Variants in PHF13 observed in about 807,000 individuals in gnomAD.
PHF13 encodes the protein PHD zinc finger protein PHF5.
In PHF13, 1 loss-of-function variant was observed where a neutral mutation model predicts 25.8. The observed-to-expected ratio is 0.04, with a 90% CI of 0.01 to 0.18. The LOEUF (loss-of-function observed/expected upper bound fraction) is 0.18, where lower values mean the gene tolerates loss of function less well. Ranked by LOEUF, PHF13 falls within the 10% of genes least tolerant of loss-of-function variation. The pLI, the probability that PHF13 is intolerant of heterozygous loss-of-function variation, is 1.00. For missense variants in PHF13, 306 were observed against 403.2 expected, an observed-to-expected ratio of 0.76 and a Z score of 2.06; for synonymous variants, 195 against 162.4, an observed-to-expected ratio of 1.20 and a Z score of -1.53.
intron 1 of PHF13, chr1:6,614,606 C>T (rs1311359666): frequency 6.6e-6 from 1 of 152,662 alleles, no homozygotes; most frequent in African/African-American, 2.4e-5. Flanking sequence ...GCCCCGCCCC[C>T]TGACTCCGCG....
At position 6,620,043 on chromosome 1, in the gene PHF13, G is replaced by A. The variant is rs1186970668; in HGVS notation, c.382G>A (p.Asp128Asn). Residue 128 changes from aspartate to asparagine, a missense_variant, in exon 3 of 4, where the codon GAT becomes AAT. Asp to Asn is a conservative substitution (Grantham distance 23). Around this residue, in one of 5 missense-constraint regions of PHF13, gnomAD observed 186 missense variants for 164.0 expected, o/e 1.13. Transcript: ENST00000377648. Reference sequence around the variant, plus strand: ...GAAGAAGAGGAAGCGCAGGGACAGTGATGCGCCTGGGAAAGAGGGGTACAG... The same window carrying A: ...GAAGAAGAGGAAGCGCAGGGACAGTAATGCGCCTGGGAAAGAGGGGTACAG... Reference protein sequence around the residue: ...KKKKRKRRDSDAPGKEGYRGG... With the variant: ...KKKKRKRRDSNAPGKEGYRGG... 2 of 1,613,706 alleles carry A rather than the reference G, an allele frequency of 1.2e-6. No homozygotes were observed. Among genetic ancestry groups the A allele is most frequent in the Non-Finnish European group, 1.7e-6 (2 of 1,180,016 alleles).
rs889459361 is a variant in PHF13 at position 6,613,933 on chromosome 1, A to G, written c.-134A>G. 3.6e-6 allele frequency: 2 copies of G among 557,330 alleles called. No individual in the cohort carries two copies. Among genetic ancestry groups the G allele is most frequent in the Non-Finnish European group, 6.2e-6 (2 of 323,990 alleles). The allele number at this position is 557,330 out of a possible 1,614,324, so 34.5% of individuals were successfully genotyped here. ...GAAGCGACGCGCTGAGCCCCCCATC[A>G]CCTCCAGCCCGGGCGACCCCTCCCG... On this transcript the variant is annotated 5_prime_UTR_variant, in exon 1 of 4. Transcript: ENST00000377648.
At position 6,621,886 on chromosome 1, in the gene PHF13, G is replaced by A. The variant is rs1248395145; in HGVS notation, c.*249G>A. The A allele has an allele frequency of 5.4e-6, 3 of 554,594 alleles. No homozygotes were observed. Among genetic ancestry groups the A allele is most frequent in the Admixed American group, 6.2e-5 (2 of 32,428 alleles). 34.4% of individuals were successfully genotyped at this position (554,594 alleles called of 1,614,324 possible). A position where few individuals can be genotyped will look rare whatever the true frequency, so the allele number is the denominator to read the frequency against. On this transcript the variant is annotated 3_prime_UTR_variant, in exon 4 of 4. Coordinates refer to ENST00000377648, the MANE Select transcript of PHF13 (RefSeq NM_153812.3). This position sits in a 1 kb window ranked among gnomAD's most constrained non-coding sequence, Gnocchi z 4.8. ...CAGTGGAGGTGGACTGGACACCCAC[G>A]TGCAGCGGGTTTGGCTCATTTGAAA...
chr1:6,620,746 G>A (rs951105078), intron 3 of PHF13, among the ~76,000 whole-genome samples: 21 of 152,098 alleles, frequency 1.4e-4, no homozygotes, highest in African/African-American at 4.6e-4. Flanking sequence ...AAGGCTGGGC[G>A]CAGTGGCTCA....
chr1:6,618,343 G>C (rs58437099), intron 2 of PHF13, among the ~76,000 whole-genome samples: 1 of 152,316 alleles, frequency 6.6e-6, no homozygotes, highest in African/African-American at 2.4e-5. Context: ...ATGTTGCCCA[G>C]GTTGGTGTCA....
intron 2 of PHF13, 134 bp from the exon 3 acceptor site, chr1:6,619,669 A>T: frequency 1.1e-6 from 1 of 914,806 alleles, no homozygotes; most frequent in Non-Finnish European, 1.7e-6. Flanking sequence ...TTCAAGTGTG[A>T]TGCTGATGGG....
rs539542103 is a variant in PHF13 at position 6,621,317 on chromosome 1, C to A, written c.677-94C>A. 1.0e-5 allele frequency: 14 copies of A among 1,335,058 alleles called. No homozygotes were observed. In the Middle Eastern group the frequency reaches 9.0e-4, roughly 86 times the overall value. 82.7% of individuals were successfully genotyped at this position (1,335,058 alleles called of 1,614,324 possible). A position where few individuals can be genotyped will look rare whatever the true frequency, so the allele number is the denominator to read the frequency against. On this transcript the variant is annotated intron_variant, in intron 3 of 3. Coordinates refer to ENST00000377648, the MANE Select transcript of PHF13 (RefSeq NM_153812.3). The surrounding 1 kb of genome is among the most constrained non-coding windows in gnomAD (Gnocchi z 4.8). ...TTCGAGTGGCAGTTGGAAGTGTTCTCGTCAGTAGAGTTAATGGGTTTCATG... is the reference window on the plus strand; with the variant it reads ...TTCGAGTGGCAGTTGGAAGTGTTCTAGTCAGTAGAGTTAATGGGTTTCATG...
At chr1:6,618,114 G>T (rs1423399812) in intron 2 of PHF13, among the ~76,000 whole-genome samples, 1 of 152,010 alleles carries the variant, frequency 6.6e-6, no homozygotes, top group Non-Finnish European at 1.5e-5. Flanking sequence ...TTTCGTATTC[G>T]ATTAAGCTCA....
In PHF13 at chr1:6,616,776, A is replaced by G. The variant is rs1427900167; in HGVS notation, c.59A>G (p.Lys20Arg). 1 of 1,613,978 alleles carries G rather than the reference A, an allele frequency of 6.2e-7. No individual in the cohort carries two copies. Among genetic ancestry groups the G allele is most frequent in the African/African-American group, 1.3e-5 (1 of 74,922 alleles). The change falls in exon 2 of 4, where the codon AAG becomes AGG. Residue 20 changes from lysine to arginine, a missense_variant. By Grantham distance (26) the Lys-to-Arg change is conservative. This residue lies in a region of PHF13 where 36 missense variants were observed against 76.0 expected (regional missense o/e 0.47). Coordinates refer to ENST00000377648, the MANE Select transcript of PHF13 (RefSeq NM_153812.3). ...FHPEEYSPSCKRRRTVEDFNK... is the reference protein window; with the variant it reads ...FHPEEYSPSCRRRRTVEDFNK... ...TAATAGGAATACTCCCCCAGTTGCA[A>G]GAGGCGCAGGACCGTGGAAGACTTC...
At chr1:6,619,676 T>C in intron 2 of PHF13, 127 bp from the exon 3 acceptor site, 5 of 967,012 alleles carry the variant, frequency 5.2e-6, no homozygotes, top group Non-Finnish European at 6.3e-6. Context: ...GTGATGCTGA[T>C]GGGCAGAGAA....
chr1:6,616,534 C>G (rs1268862482), intron 1 of PHF13, among the ~76,000 whole-genome samples: 1 of 152,194 alleles, frequency 6.6e-6, no homozygotes, highest in African/African-American at 2.4e-5. Context: ...CAGCTGATTT[C>G]CCAGCATTCT....
chr1:6,619,777 G>A (rs747563656), intron 2 of PHF13, 26 bp from the exon 3 acceptor site: 6 of 1,564,662 alleles, frequency 3.8e-6, no homozygotes, highest in Non-Finnish European at 5.2e-6. Flanking sequence ...ACCAGTAACT[G>A]GAATCTGCCA....
chr1:6,620,026 G>C lies in PHF13; in HGVS notation c.365G>C (p.Arg122Thr). 3 of 1,613,706 alleles carry C rather than the reference G, an allele frequency of 1.9e-6. No individual in the cohort carries two copies. The highest frequency in any genetic ancestry group is 2.5e-6 in the Non-Finnish European group (3 of 1,179,970). The change falls in exon 3 of 4, where the codon AGG (arginine) becomes ACG (threonine). Residue 122 changes from arginine to threonine, a missense_variant. Coordinates refer to ENST00000377648, the MANE Select transcript of PHF13 (RefSeq NM_153812.3). The part of the protein sequence containing the change: ...KTDKLKKKKK[R>T]KRRDSDAPGK... Reference sequence around the variant, plus strand: ...GACAAGCTGAAGAAGAAGAAGAAGAGGAAGCGCAGGGACAGTGATGCGCCT... The same window carrying C: ...GACAAGCTGAAGAAGAAGAAGAAGACGAAGCGCAGGGACAGTGATGCGCCT...
rs754424300 is a variant in PHF13 at position 6,620,031 on chromosome 1, C to T, written c.370C>T (p.Arg124Cys). 9 of 1,613,546 alleles carry T rather than the reference C, an allele frequency of 5.6e-6. No homozygotes were observed. In the South Asian group the frequency reaches 6.6e-5, roughly 12 times the overall value. ...GCTGAAGAAGAAGAAGAAGAGGAAG[C>T]GCAGGGACAGTGATGCGCCTGGGAA... ...DKLKKKKKRK[R>C]RDSDAPGKEG... The change falls in exon 3 of 4, where the codon CGC becomes TGC. Residue 124 changes from arginine to cysteine, a missense_variant. Physicochemically the swap from Arg to Cys is radical, Grantham distance 180. Transcript: ENST00000377648.
At chr1:6,615,797 C>G (rs1004774590) in intron 1 of PHF13, among the ~76,000 whole-genome samples, 9 of 152,268 alleles carry the variant, frequency 5.9e-5, no homozygotes, top group African/African-American at 1.9e-4. Flanking sequence ...GACCCGCGAG[C>G]AAAAACCTCC....
intron 1 of PHF13, chr1:6,614,736 C>G (rs1030192783): frequency 2.7e-5 from 4 of 148,558 alleles, no homozygotes; most frequent in African/African-American, 4.9e-5. Flanking sequence ...GCTGGCCTCT[C>G]TCTTCGGGCC....
At chr1:6,618,792 C>A (rs1045264906) in intron 2 of PHF13, among the ~76,000 whole-genome samples, 1 of 151,976 alleles carries the variant, frequency 6.6e-6, no homozygotes, top group African/African-American at 2.4e-5. Context: ...TTACAGGTGT[C>A]AGCCATCATG....
intron 1 of PHF13, among the ~76,000 whole-genome samples, chr1:6,616,164 G>A (rs906329934): frequency 2.0e-5 from 3 of 151,464 alleles, no homozygotes; most frequent in African/African-American, 7.3e-5. Context: ...GAGTAGTTGG[G>A]ACTACAGGTG....
chr1:6,619,105 G>A (rs1433078319), intron 2 of PHF13, among the ~76,000 whole-genome samples: 4 of 152,218 alleles, frequency 2.6e-5, no homozygotes. Context: ...TTTTAAGAGT[G>A]TCAGGAAATT....
Sources: allele counts gnomAD v4.1 joint callset (sites outside exome capture counted in the v4.1 genomes callset), GRCh38; gene constraint gnomAD v4.1.1; regional missense constraint gnomAD v4.1.1; non-coding constraint Gnocchi (gnomAD v3.1); transcripts MANE v1.5; gene names NCBI Gene and HGNC (gene_info 2026-07-23, HGNC 2026-07-21).